KCNAB2: variants seen among roughly 807,000 people sequenced by gnomAD.
KCNAB2 encodes voltage-gated potassium channel subunit beta-2.
Under a neutral mutation model 63.6 loss-of-function variants are expected in KCNAB2, and 29 were observed. The observed-to-expected ratio is 0.46, with a 90% CI of 0.34 to 0.62. KCNAB2 has a LOEUF of 0.62. KCNAB2 is among the 20% of genes least tolerant of loss of function. The probability of loss-of-function intolerance (pLI) is 0.01; values close to 1 mark genes in which losing one functional copy is unlikely to be tolerated. For missense variants in KCNAB2, 359 were observed against 563.9 expected, an observed-to-expected ratio of 0.64 and a Z score of 3.68; for synonymous variants, 222 against 224.2, an observed-to-expected ratio of 0.99 and a Z score of 0.09.
At chr1:6,094,570 T>C (rs555272216) in intron 11 of KCNAB2, 85 bp downstream of exon 11, 2 of 1,177,928 alleles carry the variant, frequency 1.7e-6, no homozygotes, top group African/African-American at 1.5e-5. Context: ...TCTGGCGGGG[T>C]CTGTGCCTTT....
In KCNAB2 at chr1:6,099,157, C is replaced by G. The variant is rs1665872312; in HGVS notation, c.*583C>G. On this transcript the variant is annotated 3_prime_UTR_variant, in exon 16 of 16. Transcript: ENST00000378083. ...TGGGGCCTGACCACAGATTCCTCTCCCATCCTTTTCTGCTCCAACCTGCCC... is the reference window on the plus strand; with the variant it reads ...TGGGGCCTGACCACAGATTCCTCTCGCATCCTTTTCTGCTCCAACCTGCCC... 1 of 153,092 alleles carries G rather than the reference C, an allele frequency of 6.5e-6. No individual in the cohort carries two copies. The highest frequency in any genetic ancestry group is 2.1e-4 in the South Asian group (1 of 4,866). The allele number at this position is 153,092 out of a possible 1,614,324, so 9.5% of individuals were successfully genotyped here.
In KCNAB2 at chr1:6,098,830, T is replaced by C. The variant is rs915064851; in HGVS notation, c.*256T>C. The C allele has an allele frequency of 4.4e-4, 174 of 394,580 alleles. 1 individual carries two copies. Among genetic ancestry groups the C allele is most frequent in the Admixed American group, 9.6e-4 (22 of 22,882 alleles). 24.4% of individuals were successfully genotyped at this position (394,580 alleles called of 1,614,324 possible). On this transcript the variant is annotated 3_prime_UTR_variant, in exon 16 of 16. Coordinates refer to ENST00000378083, the MANE Select transcript of KCNAB2 (RefSeq NM_001199862.2). ...GTTCAAACGGTCCCACCCAAGCCTGTCACCTCTGCTCATCCTCCAAGACCA... is the reference window on the plus strand; with the variant it reads ...GTTCAAACGGTCCCACCCAAGCCTGCCACCTCTGCTCATCCTCCAAGACCA...
rs912653840 is a variant in KCNAB2 at position 6,097,154 on chromosome 1, C to T, written c.1070-115C>T. On this transcript the variant is annotated intron_variant, in intron 14 of 15. Coordinates refer to ENST00000378083, the MANE Select transcript of KCNAB2 (RefSeq NM_001199862.2). ...CAGCACTGCAGGGCTTCCTAGACCCCCTCAGACCCCCAGACCAAGATGCTG... is the reference window on the plus strand; with the variant it reads ...CAGCACTGCAGGGCTTCCTAGACCCTCTCAGACCCCCAGACCAAGATGCTG... 3 of 1,242,710 alleles carry T rather than the reference C, an allele frequency of 2.4e-6. No individual in the cohort carries two copies. In the African/African-American group the frequency reaches 4.5e-5, roughly 19 times the overall value. 77.0% of individuals were successfully genotyped at this position (1,242,710 alleles called of 1,614,324 possible).
intron 2 of KCNAB2, among the ~76,000 whole-genome samples, chr1:6,068,588 A>G (rs1309789238): frequency 6.6e-6 from 1 of 152,118 alleles, no homozygotes; most frequent in Non-Finnish European, 1.5e-5. Flanking sequence ...GATGAGGTGC[A>G]GTTTCACAGG....
At chr1:6,048,893 C>A (rs1419096506) in intron 1 of KCNAB2, among the ~76,000 whole-genome samples, 2 of 152,238 alleles carry the variant, frequency 1.3e-5, no homozygotes, top group Non-Finnish European at 2.9e-5. Context: ...GTGCTGCTGT[C>A]TGTGGGTGCC....
At chr1:6,083,120 T>A (rs1664352702) in intron 5 of KCNAB2, among the ~76,000 whole-genome samples, 1 of 152,180 alleles carries the variant, frequency 6.6e-6, no homozygotes, top group African/African-American at 2.4e-5. Flanking sequence ...AGCCCCCATC[T>A]GCAGCCCTTT....
At chr1:6,079,571 T>C (rs550510660) in intron 4 of KCNAB2, among the ~76,000 whole-genome samples, 1 of 151,972 alleles carries the variant, frequency 6.6e-6, no homozygotes, top group South Asian at 2.1e-4. Context: ...GTGATACCCC[T>C]TGGATGAACC....
At chr1:6,027,626 T>A (rs1386936088) in intron 1 of KCNAB2, among the ~76,000 whole-genome samples, 2 of 152,266 alleles carry the variant, frequency 1.3e-5, no homozygotes, top group African/African-American at 2.4e-5. Context: ...ACCTGTCGTA[T>A]TTGTAATCAG....
intron 1 of KCNAB2, chr1:6,040,398 G>A (rs12566866): frequency 0.42 from 265,599 of 639,132 alleles, 56,594 homozygotes; most frequent in East Asian, 0.56. Context: ...GGGGCTCCCC[G>A]ATGCCCTGAA....
chr1:6,036,300 G>A (rs1178459751), intron 1 of KCNAB2, among the ~76,000 whole-genome samples: 1 of 151,998 alleles, frequency 6.6e-6, no homozygotes, highest in East Asian at 1.9e-4. Context: ...GCCGGGAGTT[G>A]GAGACCAGCC....
intron 2 of KCNAB2, among the ~76,000 whole-genome samples, chr1:6,066,916 C>T (rs1662804015): frequency 6.6e-6 from 1 of 152,356 alleles, no homozygotes; most frequent in East Asian, 1.9e-4. Flanking sequence ...CCGGGCTCAG[C>T]CCCCATCTGG....
intron 1 of KCNAB2, among the ~76,000 whole-genome samples, chr1:6,002,655 C>G (rs552286855): frequency 6.6e-6 from 1 of 152,192 alleles, no homozygotes; most frequent in Admixed American, 6.5e-5. Context: ...CATCCCAGCA[C>G]GTCCCCATCA....
At chr1:6,017,843 C>T (rs10864318) in intron 1 of KCNAB2, among the ~76,000 whole-genome samples, 3,296 of 151,928 alleles carry the variant, frequency 0.022, 62 homozygotes, top group Middle Eastern at 0.045. Context: ...GCATAAGCCA[C>T]CACACCCAGC....
intron 1 of KCNAB2, among the ~76,000 whole-genome samples, chr1:5,993,252 C>G (rs1191443368): frequency 6.6e-6 from 1 of 151,950 alleles, no homozygotes; most frequent in Non-Finnish European, 1.5e-5. Flanking sequence ...CAAGGCTCAT[C>G]CGTCGTTCTC....
chr1:6,033,201 G>A (rs780779723), upstream of KCNAB2, among the ~76,000 whole-genome samples: 10 of 151,938 alleles, frequency 6.6e-5, no homozygotes, highest in Admixed American at 2.0e-4. Context: ...GTGCATGTGC[G>A]TGTGTGTGCA....
intron 2 of KCNAB2, among the ~76,000 whole-genome samples, chr1:6,063,178 C>A (rs1343872006): frequency 6.6e-6 from 1 of 150,658 alleles, no homozygotes; most frequent in African/African-American, 2.4e-5. Flanking sequence ...CACCACCACA[C>A]CTGGCTAATT....
At position 6,006,661 on chromosome 1, in the gene KCNAB2, CCACTTCACCCTCCACCCCT is replaced by C. The variant is rs1163286382; in HGVS notation, c.-53+13876_-53+13894del. ...CCCCTCAGCTCAGGTCCCACATCCCCCACTTCACCCTCCACCCCTCAGCTCAGCTCCCACATCCCCCACT... is the reference window on the plus strand; with the variant it reads ...CCCCTCAGCTCAGGTCCCACATCCCCCAGCTCAGCTCCCACATCCCCCACT... On this transcript the variant is annotated intron_variant, in intron 1 of 16. Coordinates refer to the KCNAB2 transcript ENST00000341524. Among the ~76,000 whole-genome samples the C allele has an allele frequency of 3.5e-3, 58 of 16,650 alleles. 5 individuals carry two copies. The highest frequency in any genetic ancestry group is 0.026 in the Middle Eastern group (1 of 38). The allele number at this position is 16,650 out of a possible 152,430, so 10.9% of individuals were successfully genotyped here.
intron 2 of KCNAB2, among the ~76,000 whole-genome samples, chr1:6,053,580 A>C (rs1661562077): frequency 6.6e-6 from 1 of 152,172 alleles, no homozygotes; most frequent in Non-Finnish European, 1.5e-5. Flanking sequence ...TGCCTCTCTC[A>C]GCTGGAGGAG....
Position 6,100,273 on chromosome 1 carries a change from C to A in KCNAB2, c.*1699C>A. On this transcript the variant is annotated 3_prime_UTR_variant, in exon 16 of 16. Coordinates refer to ENST00000378083, the MANE Select transcript of KCNAB2 (RefSeq NM_001199862.2). ...TTACCGACCCCCCTTCATGCTGCCC[C>A]TGGCGCCTAGAACCCTTGCCCCTCC... The A allele has an allele frequency of 1.9e-6, 1 of 525,868 alleles. No homozygotes were observed. Among genetic ancestry groups the A allele is most frequent in the Non-Finnish European group, 3.1e-6 (1 of 319,952 alleles). 32.6% of individuals were successfully genotyped at this position (525,868 alleles called of 1,614,324 possible).
Sources: allele counts gnomAD v4.1 joint callset (sites outside exome capture counted in the v4.1 genomes callset), GRCh38; gene constraint gnomAD v4.1.1; transcripts MANE v1.5; gene names NCBI Gene and HGNC (gene_info 2026-07-23, HGNC 2026-07-21).